DNAH8: variants seen among roughly 807,000 people sequenced by gnomAD.
DNAH8 encodes the protein dynein axonemal heavy chain 8, also known as axonemal beta dynein heavy chain 8.
DNAH8 carries 382 observed loss-of-function variants against 562.1 expected under a neutral mutation model. The observed-to-expected ratio is 0.68, with a 90% CI of 0.63 to 0.74. The LOEUF (loss-of-function observed/expected upper bound fraction) is 0.74. DNAH8 is among the 30% of genes least tolerant of loss of function. The probability of loss-of-function intolerance (pLI) is 0.00; values close to 1 mark genes in which losing one functional copy is unlikely to be tolerated. For missense variants in DNAH8, 5,203 were observed against 5,620.4 expected (o/e 0.93, Z 2.37); for synonymous variants, 1,881 against 1,919.4 (o/e 0.98, Z 0.52).
chr6:38,973,551 G>A, intron 83 of DNAH8, 110 bp from the exon 84 acceptor site: 1 of 779,272 alleles, frequency 1.3e-6, no homozygotes. Context: ...TTAAAAATGT[G>A]TTCAAAACAG....
intron 87 of DNAH8, among the ~76,000 whole-genome samples, chr6:38,987,704 A>G (rs35928736): frequency 0.2 from 30,404 of 151,990 alleles, 3,573 homozygotes; most frequent in East Asian, 0.57. Context: ...AGTGGCTTCA[A>G]TTCTCTGACT....
chr6:38,815,409 A>T, intron 25 of DNAH8, 59 bp from the exon 26 acceptor site: 1 of 1,408,354 alleles, frequency 7.1e-7, no homozygotes, highest in South Asian at 1.3e-5. Context: ...AGGTGGTGAA[A>T]ATTGAGGGAT....
intron 26 of DNAH8, among the ~76,000 whole-genome samples, chr6:38,819,672 GAGA>G (rs1772637436): frequency 1.3e-5 from 2 of 152,100 alleles, no homozygotes; most frequent in Non-Finnish European, 2.9e-5. Flanking sequence ...AAGAAAAAAT[GAGA>G]AGAATTGGAG....
In DNAH8 at chr6:38,973,753, T is replaced by C. The variant is rs752937674; in HGVS notation, c.12618T>C (p.Asp4206=). 2 of 1,611,800 alleles carry C rather than the reference T, an allele frequency of 1.2e-6. No homozygotes were observed. Among genetic ancestry groups the C allele is most frequent in the Non-Finnish European group, 1.7e-6 (2 of 1,179,086 alleles). ...TAATTACCACTGAAGCCAGTGATGA[T>C]TCTTTCCGAGTATGGATAACTACGG... ...ETLITTEASD[D]SFRVWITTEP... Residue 4206 remains aspartate (D), a synonymous_variant, in exon 84 of 93, where the codon GAT becomes GAC. Transcript: ENST00000327475.
chr6:38,791,733 T>G, intron 21 of DNAH8, 59 bp downstream of exon 21: 1 of 1,561,588 alleles, frequency 6.4e-7, no homozygotes, highest in Non-Finnish European at 8.7e-7. Context: ...ACCTAAAATG[T>G]GAAATTTCAG....
rs570067956 is a variant in DNAH8, at chr6:38,908,293, A to C, written c.9513+173A>C. Among the ~76,000 whole-genome samples the C allele has an allele frequency of 4.1e-4, 62 of 152,320 alleles. 1 individual carries two copies. Among genetic ancestry groups the C allele is most frequent in the Admixed American group, 4.0e-3 (61 of 15,302 alleles). On this transcript the variant is annotated intron_variant, in intron 64 of 92. Transcript: ENST00000327475. ...TTGACCAAATTCTCATTTCCAGTGT[A>C]ATTTAAAATATTCATATTATTAAAA...
chr6:38,916,816 C>T (rs1781343973), intron 68 of DNAH8, among the ~76,000 whole-genome samples: 1 of 152,168 alleles, frequency 6.6e-6, no homozygotes, highest in African/African-American at 2.4e-5. Flanking sequence ...TTGTCTCCTT[C>T]TAATTCCTCT....
chr6:38,858,722 A>G (rs1217318904), intron 42 of DNAH8, among the ~76,000 whole-genome samples: 2 of 152,252 alleles, frequency 1.3e-5, no homozygotes, highest in Non-Finnish European at 2.9e-5. Flanking sequence ...GGATTAAGCT[A>G]CTATCAGAAA....
intron 42 of DNAH8, among the ~76,000 whole-genome samples, chr6:38,858,415 G>A (rs1776364087): frequency 6.6e-6 from 1 of 152,204 alleles, no homozygotes. Context: ...ATCACAGACT[G>A]CCTGTTTTGA....
chr6:38,861,769 T>C (rs1378466986), intron 43 of DNAH8, among the ~76,000 whole-genome samples: 1 of 152,134 alleles, frequency 6.6e-6, no homozygotes, highest in Admixed American at 6.5e-5. Context: ...CCTGACCTCA[T>C]GATCCGCCCA....
intron 53 of DNAH8, among the ~76,000 whole-genome samples, chr6:38,878,630 G>C (rs1778208616): frequency 6.6e-6 from 1 of 152,134 alleles, no homozygotes. Flanking sequence ...GGATGAAAGA[G>C]AGAACATCAC....
chr6:38,906,489 A>C, intron 63 of DNAH8, 82 bp downstream of exon 63: 1 of 1,161,124 alleles, frequency 8.6e-7, no homozygotes, highest in Non-Finnish European at 1.2e-6. Flanking sequence ...ACCTTTCAAA[A>C]ATGAGGCTAT....
At chr6:38,728,814 A>G (rs1698999) in intron 3 of DNAH8, among the ~76,000 whole-genome samples, 143,071 of 152,284 alleles carry the variant, frequency 0.94, 67,264 homozygotes, top group East Asian at 1. Context: ...AAAGCCCTCT[A>G]TGTGATTCTC....
At chr6:38,945,634 A>G in intron 80 of DNAH8, 46 bp downstream of exon 80, 1 of 1,610,386 alleles carries the variant, frequency 6.2e-7, no homozygotes, top group Non-Finnish European at 8.5e-7. Context: ...TGCAAACCCA[A>G]ACATACCTGG....
At chr6:38,931,199 C>A (rs1044185871) in intron 75 of DNAH8, 16 of 152,074 alleles carry the variant, frequency 1.1e-4, no homozygotes, top group Admixed American at 9.2e-4. Context: ...AGATTTAAGT[C>A]ATTTAAAAAT....
chr6:38,851,555 G>A lies in DNAH8; in HGVS notation c.5364-17G>A, dbSNP rs1318800112. ...AAAAAAAACCACTTGGTAACATACT[G>A]TCGACTTTATTTGAAGGTATTTGGA... On this transcript the variant is annotated splice_polypyrimidine_tract_variant and intron_variant, in intron 38 of 92. Coordinates refer to ENST00000327475, the MANE Select transcript of DNAH8 (RefSeq NM_001206927.2). 6.5e-7 allele frequency: 1 copy of A among 1,534,506 alleles called. No individual in the cohort carries two copies. The highest frequency in any genetic ancestry group is 8.9e-7 in the Non-Finnish European group (1 of 1,120,636).
At chr6:38,797,549 G>C (rs1738234) in intron 21 of DNAH8, among the ~76,000 whole-genome samples, 22,889 of 151,804 alleles carry the variant, frequency 0.15, 1,866 homozygotes, top group East Asian at 0.29. Flanking sequence ...AATTTTAATT[G>C]CCCGTTTGTT....
rs912166280 is a variant in DNAH8 at position 38,737,753 on chromosome 6, T to C, written c.953-56T>C. 1.4e-5 allele frequency: 10 copies of C among 711,770 alleles called. No individual in the cohort carries two copies. In the Admixed American group the frequency reaches 3.7e-4, roughly 26 times the overall value. 44.1% of individuals were successfully genotyped at this position (711,770 alleles called of 1,614,324 possible). On this transcript the variant is annotated intron_variant, in intron 6 of 92. Coordinates refer to ENST00000327475, the MANE Select transcript of DNAH8 (RefSeq NM_001206927.2). ...ATATTATTTAATATTTTTATTAATA[T>C]ATTTAAAATATTTAATATATAAATT... is the stretch of plus-strand genomic sequence containing the variant.
At chr6:38,956,738 A>G (rs1162698236) in intron 82 of DNAH8, among the ~76,000 whole-genome samples, 1 of 152,220 alleles carries the variant, frequency 6.6e-6, no homozygotes, top group Non-Finnish European at 1.5e-5. Context: ...TTTTTTGGTA[A>G]GCCTCATGGT....
Sources: gnomAD v4.1 joint callset for allele counts (sites outside exome capture counted in the v4.1 genomes callset) on GRCh38, gnomAD v4.1.1 for gene constraint, MANE v1.5 for transcripts, NCBI Gene and HGNC (gene_info 2026-07-23, HGNC 2026-07-21) for gene names.